NPAS2: variants seen among roughly 807,000 people sequenced by gnomAD.
The protein encoded by NPAS2 is neuronal PAS domain-containing protein 2.
NPAS2 carries 23 observed loss-of-function variants against 107.5 expected under a neutral mutation model. The ratio of observed to expected loss-of-function variants is 0.21; its 90% CI spans 0.15 to 0.30. NPAS2 has a LOEUF of 0.30. Among genes scored for constraint, NPAS2 ranks in the 10% least tolerant of loss-of-function variants. The pLI, the probability that NPAS2 is intolerant of heterozygous loss-of-function variation, is 1.00. For synonymous variants in NPAS2, 403 were observed against 417.5 expected (o/e 0.97, Z 0.42); for missense variants, 756 against 1,043.3 (o/e 0.72, Z 3.79).
intron 1 of NPAS2, among the ~76,000 whole-genome samples, chr2:100,838,999 C>G (rs774392106): frequency 6.6e-6 from 1 of 152,170 alleles, no homozygotes; most frequent in African/African-American, 2.4e-5. Flanking sequence ...GCCTGACTCT[C>G]CTGCCTCCCC....
chr2:100,914,247 C>A (rs187874254), intron 2 of NPAS2, among the ~76,000 whole-genome samples: 1 of 152,166 alleles, frequency 6.6e-6, no homozygotes, highest in Non-Finnish European at 1.5e-5. Flanking sequence ...CTTCCTTCAG[C>A]CTTCCTGAAA....
chr2:100,852,232 TAAAAAATAC>T (rs1486396371), intron 1 of NPAS2, among the ~76,000 whole-genome samples: 5 of 151,670 alleles, frequency 3.3e-5, no homozygotes, highest in African/African-American at 1.2e-4. Context: ...CCGTCTCTCC[TAAAAAATAC>T]AAAAAATTAG....
chr2:100,978,520 TAAAA>T (rs558312389), intron 15 of NPAS2, among the ~76,000 whole-genome samples: 1 of 142,338 alleles, frequency 7.0e-6, no homozygotes, highest in Non-Finnish European at 1.5e-5. Flanking sequence ...CACATTTGTT[TAAAA>T]AAAAAGAAAG....
intron 1 of NPAS2, among the ~76,000 whole-genome samples, chr2:100,852,128 G>A (rs1678216093): frequency 6.6e-6 from 1 of 152,182 alleles, no homozygotes; most frequent in African/African-American, 2.4e-5. Context: ...CGGGCACGGT[G>A]GCTCCTGCCT....
chr2:100,948,428 T>G, intron 6 of NPAS2, 73 bp downstream of exon 6: 1 of 1,332,514 alleles, frequency 7.5e-7, no homozygotes, highest in South Asian at 1.4e-5. Flanking sequence ...TTAGAATGAA[T>G]TAAGAAGGGA....
At chr2:100,969,898 C>G (rs1217527446) in intron 11 of NPAS2, among the ~76,000 whole-genome samples, 4 of 152,136 alleles carry the variant, frequency 2.6e-5, no homozygotes, top group Non-Finnish European at 4.4e-5. Flanking sequence ...AGGGAACCAC[C>G]AATATGTCCC....
intron 4 of NPAS2, among the ~76,000 whole-genome samples, chr2:100,933,429 T>C (rs1264516545): frequency 6.6e-6 from 1 of 152,168 alleles, no homozygotes; most frequent in Admixed American, 6.5e-5. Context: ...AAATTAAAAA[T>C]TGTCTTTTTA....
At chr2:100,988,324 C>G in intron 17 of NPAS2, 48 bp downstream of exon 17, 1 of 1,528,460 alleles carries the variant, frequency 6.5e-7, no homozygotes, top group South Asian at 1.1e-5. Flanking sequence ...AGAGCAGACA[C>G]CCTCTTGCAG....
rs1676343994 is a variant in NPAS2 at position 100,968,212 on chromosome 2, T to A, written c.908-69T>A. The stretch of plus-strand genomic sequence containing the variant: ...TTTTTTTGAAAGCTTATCTTTACAA[T>A]AACTCTTGGGGAAAAGATCATTTTC... On this transcript the variant is annotated intron_variant, in intron 10 of 20. Coordinates refer to ENST00000335681, the MANE Select transcript of NPAS2 (RefSeq NM_002518.4). This position sits in a 1 kb window ranked among gnomAD's most constrained non-coding sequence, Gnocchi z 5.3. 2.0e-6 allele frequency: 3 copies of A among 1,505,656 alleles called. No homozygotes were observed. The highest frequency in any genetic ancestry group is 2.7e-6 in the Non-Finnish European group (3 of 1,091,236). The allele number at this position is 1,505,656 out of a possible 1,614,324, so 93.3% of individuals were successfully genotyped here.
intron 1 of NPAS2, among the ~76,000 whole-genome samples, chr2:100,821,560 T>C (rs1489935166): frequency 6.6e-6 from 1 of 152,224 alleles, no homozygotes; most frequent in East Asian, 1.9e-4. Context: ...TTTTCCTTAA[T>C]AGAAAGGTTT....
intron 1 of NPAS2, chr2:100,822,898 AT>A (rs1259676919): frequency 1.3e-5 from 2 of 152,202 alleles, no homozygotes; most frequent in African/African-American, 4.8e-5. Context: ...CAAGCATCTA[AT>A]TGAGTTTCAC....
intron 3 of NPAS2, among the ~76,000 whole-genome samples, chr2:100,928,455 G>T (rs193105557): frequency 5.3e-5 from 8 of 150,904 alleles, no homozygotes; most frequent in African/African-American, 1.9e-4. Context: ...CATTTATGCC[G>T]GGCTCTGTCC....
intron 1 of NPAS2, among the ~76,000 whole-genome samples, chr2:100,863,328 C>G (rs1415910717): frequency 6.6e-6 from 1 of 152,148 alleles, no homozygotes; most frequent in Non-Finnish European, 1.5e-5. Context: ...TGGTGGGTTG[C>G]TTGGTTGATT....
intron 1 of NPAS2, among the ~76,000 whole-genome samples, chr2:100,827,776 C>T (rs1324984150): frequency 6.6e-6 from 1 of 152,078 alleles, no homozygotes; most frequent in Admixed American, 6.6e-5. Flanking sequence ...TTTTCTTTAT[C>T]CAGTTCACTG....
intron 16 of NPAS2, chr2:100,982,607 T>G (rs542773994): frequency 1.8e-4 from 105 of 578,398 alleles, no homozygotes; most frequent in African/African-American, 1.8e-3. Context: ...CCCCTCACTC[T>G]GACAGGCACA....
intron 1 of NPAS2, among the ~76,000 whole-genome samples, chr2:100,848,667 T>TA (rs1677949309): frequency 6.6e-6 from 1 of 152,230 alleles, no homozygotes; most frequent in Non-Finnish European, 1.5e-5. Flanking sequence ...TTGAGAGCAT[T>TA]ACTTGCACAG....
At chr2:100,938,855 C>A (rs1684523684) in intron 5 of NPAS2, among the ~76,000 whole-genome samples, 1 of 152,168 alleles carries the variant, frequency 6.6e-6, no homozygotes, top group Non-Finnish European at 1.5e-5. Context: ...CCTCTCTCCG[C>A]TCTCCTCCCA....
At chr2:100,918,650 C>G (rs1021266090) in intron 2 of NPAS2, among the ~76,000 whole-genome samples, 6 of 152,194 alleles carry the variant, frequency 3.9e-5, no homozygotes. Flanking sequence ...GAAAAGATGT[C>G]CACTGCCATT....
chr2:100,882,472 G>A (rs1014756176), intron 1 of NPAS2, among the ~76,000 whole-genome samples: 6 of 152,096 alleles, frequency 3.9e-5, no homozygotes, highest in Middle Eastern at 3.2e-3. Flanking sequence ...TTAGCCGGGC[G>A]TAGGTGGTGC....
Sources: allele counts gnomAD v4.1 joint callset (sites outside exome capture counted in the v4.1 genomes callset), GRCh38; gene constraint gnomAD v4.1.1; non-coding constraint Gnocchi (gnomAD v3.1); transcripts MANE v1.5; gene names NCBI Gene and HGNC (gene_info 2026-07-23, HGNC 2026-07-21).